Variants in PTPRD observed in about 807,000 individuals in gnomAD.
PTPRD encodes receptor-type tyrosine-protein phosphatase delta.
In PTPRD, 34 loss-of-function variants were observed where a neutral mutation model predicts 214.5. That is an observed-to-expected ratio of 0.16 (90% CI 0.12 to 0.21). The LOEUF (loss-of-function observed/expected upper bound fraction) is 0.21. PTPRD is among the 10% of genes least tolerant of loss of function. PTPRD has a pLI of 1.00. For synonymous variants in PTPRD, 1,128 were observed against 845.7 expected (o/e 1.33, Z -5.79); for missense variants, 2,545 against 2,398.7 (o/e 1.06, Z -1.27).
At chr9:10,364,731 T>G (rs1362638874) in intron 2 of PTPRD, among the ~76,000 whole-genome samples, 1 of 152,190 alleles carries the variant, frequency 6.6e-6, no homozygotes, top group East Asian at 1.9e-4. Context: ...ATGGTCTTTC[T>G]TCTCCATCAT....
chr9:9,198,982 A>T (rs1469759649), intron 9 of PTPRD, among the ~76,000 whole-genome samples: 1 of 152,154 alleles, frequency 6.6e-6, no homozygotes, highest in Admixed American at 6.6e-5. Flanking sequence ...CCATGGCAGG[A>T]AGATATAACT....
chr9:9,232,775 C>T (rs13297177), intron 9 of PTPRD, among the ~76,000 whole-genome samples: 7,366 of 152,128 alleles, frequency 0.048, 257 homozygotes, highest in Non-Finnish European at 0.078. Context: ...AACTAAAGGA[C>T]ATTGGAAAGC....
At chr9:9,368,569 G>A (rs2058530540) in intron 9 of PTPRD, among the ~76,000 whole-genome samples, 2 of 151,942 alleles carry the variant, frequency 1.3e-5, no homozygotes, top group African/African-American at 4.8e-5. Flanking sequence ...AGGCAATAAA[G>A]ATGACAGTTT....
At chr9:8,550,180 T>C (rs573502461) in intron 14 of PTPRD, among the ~76,000 whole-genome samples, 2 of 152,200 alleles carry the variant, frequency 1.3e-5, no homozygotes, top group Non-Finnish European at 2.9e-5. Flanking sequence ...TCATGTTCTA[T>C]TGGCTTATGA....
chr9:9,542,598 A>C (rs550918138), intron 8 of PTPRD, among the ~76,000 whole-genome samples: 1 of 151,886 alleles, frequency 6.6e-6, no homozygotes, highest in Non-Finnish European at 1.5e-5. Flanking sequence ...AAATATATAA[A>C]GAACTTGACA....
At chr9:8,754,232 C>G (rs900111811) in intron 11 of PTPRD, among the ~76,000 whole-genome samples, 1 of 152,136 alleles carries the variant, frequency 6.6e-6, no homozygotes, top group Non-Finnish European at 1.5e-5. Flanking sequence ...CTTCAGCATA[C>G]TATTCTTGTG....
At chr9:9,172,795 T>C (rs1263108043) in intron 10 of PTPRD, among the ~76,000 whole-genome samples, 3 of 152,140 alleles carry the variant, frequency 2.0e-5, no homozygotes, top group African/African-American at 7.2e-5. Flanking sequence ...AAAGCCATCA[T>C]CTTATCCAGT....
intron 3 of PTPRD, among the ~76,000 whole-genome samples, chr9:10,166,779 G>T (rs780202170): frequency 6.6e-6 from 1 of 152,044 alleles, no homozygotes; most frequent in African/African-American, 2.4e-5. Flanking sequence ...AGATGATAAG[G>T]CATCAAGTTT....
At chr9:9,628,145 T>A (rs2095480032) in intron 7 of PTPRD, among the ~76,000 whole-genome samples, 2 of 152,214 alleles carry the variant, frequency 1.3e-5, no homozygotes, top group African/African-American at 2.4e-5. Flanking sequence ...ATTATGATAC[T>A]GTATAAATGT....
intron 5 of PTPRD, among the ~76,000 whole-genome samples, chr9:9,869,995 A>G (rs2065019577): frequency 6.6e-6 from 1 of 152,106 alleles, no homozygotes; most frequent in Non-Finnish European, 1.5e-5. Flanking sequence ...CAAACATAAA[A>G]TATTTGTTAG....
At chr9:10,326,031 A>G (rs905109011) in intron 3 of PTPRD, among the ~76,000 whole-genome samples, 1 of 151,798 alleles carries the variant, frequency 6.6e-6, no homozygotes, top group Non-Finnish European at 1.5e-5. Flanking sequence ...GTCCAAACCG[A>G]GATTTTGATC....
At chr9:9,906,460 A>C (rs1266290785) in intron 5 of PTPRD, among the ~76,000 whole-genome samples, 3 of 151,926 alleles carry the variant, frequency 2.0e-5, no homozygotes, top group Admixed American at 6.6e-5. Context: ...GTGCCTACGT[A>C]ATCAGTAGGC....
At chr9:10,171,723 C>T (rs1410889766) in intron 3 of PTPRD, among the ~76,000 whole-genome samples, 1 of 152,102 alleles carries the variant, frequency 6.6e-6, no homozygotes, top group Non-Finnish European at 1.5e-5. Context: ...CGGGGTTTCA[C>T]TGTGTTAACC....
At chr9:10,090,232 A>G (rs1037571185) in intron 3 of PTPRD, among the ~76,000 whole-genome samples, 2 of 151,646 alleles carry the variant, frequency 1.3e-5, no homozygotes, top group African/African-American at 4.8e-5. Context: ...AGTGTCAAAA[A>G]TCTAAATTTG....
intron 11 of PTPRD, among the ~76,000 whole-genome samples, chr9:9,013,892 G>T (rs1189247295): frequency 6.6e-6 from 1 of 152,142 alleles, no homozygotes; most frequent in African/African-American, 2.4e-5. Context: ...AACGTGCAAG[G>T]TGAGGTTCCC....
At chr9:8,911,518 T>C (rs1217717065) in intron 11 of PTPRD, among the ~76,000 whole-genome samples, 1 of 151,644 alleles carries the variant, frequency 6.6e-6, no homozygotes, top group African/African-American at 2.4e-5. Flanking sequence ...AAAAATTAAC[T>C]CAAAATAAAT....
At chr9:9,252,561 C>A (rs2099975932) in intron 9 of PTPRD, among the ~76,000 whole-genome samples, 1 of 152,016 alleles carries the variant, frequency 6.6e-6, no homozygotes. Flanking sequence ...TAACTCATTG[C>A]AGCCTTGACT....
At chr9:8,929,157 T>G (rs2098926606) in intron 11 of PTPRD, among the ~76,000 whole-genome samples, 1 of 152,138 alleles carries the variant, frequency 6.6e-6, no homozygotes, top group African/African-American at 2.4e-5. Flanking sequence ...GACTTCCTCC[T>G]TTCCTAACTG....
chr9:9,232,186 T>C (rs923306783), intron 9 of PTPRD, among the ~76,000 whole-genome samples: 3 of 152,194 alleles, frequency 2.0e-5, no homozygotes, highest in Admixed American at 6.5e-5. Flanking sequence ...TAGTGCATTA[T>C]GCCCATCATT....
Sources: gnomAD v4.1 joint callset for allele counts (sites outside exome capture counted in the v4.1 genomes callset) on GRCh38, gnomAD v4.1.1 for gene constraint, MANE v1.5 for transcripts, NCBI Gene and HGNC (gene_info 2026-07-23, HGNC 2026-07-21) for gene names.